EYS: variants seen among roughly 807,000 people sequenced by gnomAD.
EYS encodes protein eyes shut homolog.
In EYS, 250 loss-of-function variants were observed where a neutral mutation model predicts 282.1. That is an observed-to-expected ratio of 0.89 (90% CI 0.80 to 0.98). The LOEUF (loss-of-function observed/expected upper bound fraction) is 0.98, where lower values mean the gene tolerates loss of function less well. Among genes scored for constraint, EYS ranks in the 50% least tolerant of loss-of-function variants. The probability of loss-of-function intolerance (pLI) is 0.00; values close to 1 mark genes in which losing one functional copy is unlikely to be tolerated. For missense variants in EYS, 4,016 were observed against 3,709.0 expected (o/e 1.08, Z -2.15); for synonymous variants, 1,355 against 1,282.9 (o/e 1.06, Z -1.20).
chr6:64,702,744 C>G (rs532924774), intron 22 of EYS, among the ~76,000 whole-genome samples: 26 of 152,190 alleles, frequency 1.7e-4, no homozygotes, highest in Admixed American at 7.2e-4. Context: ...TTATGGAACA[C>G]TTAATGCTAT....
chr6:64,095,700 CTT>C (rs1323011557), intron 31 of EYS, among the ~76,000 whole-genome samples: 2 of 152,256 alleles, frequency 1.3e-5, no homozygotes, highest in East Asian at 1.9e-4. Context: ...GGTCTTGACT[CTT>C]TATCCAATTT....
intron 35 of EYS, among the ~76,000 whole-genome samples, chr6:63,872,598 C>T (rs925246398): frequency 3.3e-5 from 5 of 150,306 alleles, no homozygotes; most frequent in African/African-American, 9.8e-5. Context: ...CCTACTTCAG[C>T]CTCTCAAGTA....
chr6:64,426,941 A>G lies in EYS; in HGVS notation c.5927+9233T>C, dbSNP rs544886534. Reference sequence around the variant, plus strand: ...TTATATATGAGAACCATTTTGCATAATATTATTGCATTGTTTCAAATGATA... The same window carrying G: ...TTATATATGAGAACCATTTTGCATAGTATTATTGCATTGTTTCAAATGATA... On this transcript the variant is annotated intron_variant, in intron 28 of 42. Coordinates refer to ENST00000503581, the MANE Select transcript of EYS (RefSeq NM_001142800.2). Among the ~76,000 whole-genome samples the G allele has an allele frequency of 4.6e-5, 7 of 152,250 alleles. No individual in the cohort carries two copies. In the South Asian group the frequency reaches 1.0e-3, roughly 23 times the overall value.
intron 12 of EYS, among the ~76,000 whole-genome samples, chr6:65,267,355 A>C (rs1438660120): frequency 6.6e-6 from 1 of 151,958 alleles, no homozygotes; most frequent in Non-Finnish European, 1.5e-5. Context: ...TGAAAAAGAA[A>C]GGGTACTGTG....
Position 64,953,192 on chromosome 6 carries a change from T to A in EYS, c.2260-7278A>T, listed in dbSNP as rs567218628. On this transcript the variant is annotated intron_variant, in intron 14 of 42. Coordinates refer to ENST00000503581, the MANE Select transcript of EYS (RefSeq NM_001142800.2). ...GTTTTTATACATTAGAATTATTGTATTTTATTCAGTCTTAGCCACAATTTT... is the reference window on the plus strand; with the variant it reads ...GTTTTTATACATTAGAATTATTGTAATTTATTCAGTCTTAGCCACAATTTT... 3.5e-3 allele frequency among the ~76,000 whole-genome samples: 528 copies of A among 151,964 alleles called. 3 individuals are homozygous for A. Among genetic ancestry groups the A allele is most frequent in the Non-Finnish European group, 5.8e-3 (396 of 67,808 alleles).
At chr6:64,098,670 G>A (rs973316574) in intron 31 of EYS, among the ~76,000 whole-genome samples, 3 of 149,988 alleles carry the variant, frequency 2.0e-5, no homozygotes, top group Non-Finnish European at 3.0e-5. Context: ...GTGCCATCTC[G>A]GCTCACTGCA....
intron 35 of EYS, among the ~76,000 whole-genome samples, chr6:63,969,679 T>C (rs1311187466): frequency 2.6e-5 from 4 of 152,344 alleles, no homozygotes; most frequent in Non-Finnish European, 4.4e-5. Flanking sequence ...GGCCAATCCA[T>C]GTCTGTGGGG....
chr6:65,271,129 T>TAC, intron 12 of EYS, among the ~76,000 whole-genome samples: 1 of 14,910 alleles, frequency 6.7e-5, no homozygotes. Context: ...ATCAATAGAT[T>TAC]ATATATATAT....
At chr6:65,541,245 C>T (rs1768157752) in intron 2 of EYS, among the ~76,000 whole-genome samples, 1 of 151,986 alleles carries the variant, frequency 6.6e-6, no homozygotes, top group African/African-American at 2.4e-5. Context: ...AAATTGTATA[C>T]TGATTGTAAG....
intron 37 of EYS, among the ~76,000 whole-genome samples, chr6:63,799,378 A>G (rs1188441784): frequency 6.6e-6 from 1 of 152,102 alleles, no homozygotes; most frequent in African/African-American, 2.4e-5. Flanking sequence ...ATTTTAACTT[A>G]TATTTCAATG....
At chr6:64,299,196 G>A (rs751263708) in intron 30 of EYS, among the ~76,000 whole-genome samples, 2 of 152,194 alleles carry the variant, frequency 1.3e-5, no homozygotes, top group African/African-American at 2.4e-5. Flanking sequence ...TTACTCATGT[G>A]GTCCTAAGAC....
chr6:65,656,328 G>T (rs1370430477), intron 1 of EYS, among the ~76,000 whole-genome samples: 3 of 151,868 alleles, frequency 2.0e-5, no homozygotes, highest in Admixed American at 6.6e-5. Context: ...AGTGAGGAAG[G>T]CAGGCTGAAA....
intron 19 of EYS, among the ~76,000 whole-genome samples, chr6:64,835,606 C>T (rs1163387651): frequency 6.6e-6 from 1 of 151,564 alleles, no homozygotes; most frequent in Non-Finnish European, 1.5e-5. Flanking sequence ...GACTTAGGTA[C>T]CAGTTGTGTC....
At chr6:64,310,640 G>T (rs1769657186) in intron 29 of EYS, among the ~76,000 whole-genome samples, 1 of 152,194 alleles carries the variant, frequency 6.6e-6, no homozygotes, top group East Asian at 1.9e-4. Context: ...ATATGTACTA[G>T]GCTTAATACC....
intron 24 of EYS, among the ~76,000 whole-genome samples, chr6:64,603,001 C>T (rs1316645168): frequency 2.6e-5 from 4 of 151,858 alleles, no homozygotes; most frequent in African/African-American, 7.3e-5. Flanking sequence ...AGAATAGGTC[C>T]TATTGCCTCT....
At chr6:64,100,821 G>A (rs370957373) in intron 31 of EYS, among the ~76,000 whole-genome samples, 6 of 152,240 alleles carry the variant, frequency 3.9e-5, no homozygotes, top group East Asian at 3.9e-4. Context: ...TGTAGCTGAC[G>A]TGGCTGAGCA....
intron 22 of EYS, among the ~76,000 whole-genome samples, chr6:64,734,238 C>T (rs867211326): frequency 6.6e-6 from 1 of 151,818 alleles, no homozygotes; most frequent in Non-Finnish European, 1.5e-5. Context: ...AGGACTAAAG[C>T]GAATAAGCAC....
At chr6:63,723,002 G>A (rs114787406) in intron 42 of EYS, among the ~76,000 whole-genome samples, 1 of 152,272 alleles carries the variant, frequency 6.6e-6, no homozygotes, top group African/African-American at 2.4e-5. Context: ...TCTGTGTTTG[G>A]TTTGGTCCAA....
chr6:64,467,736 C>T (rs1366267890), intron 26 of EYS, among the ~76,000 whole-genome samples: 3 of 152,090 alleles, frequency 2.0e-5, no homozygotes, highest in Admixed American at 1.3e-4. Context: ...ACACTGCTAC[C>T]AGTATATGGA....
Sources: gnomAD v4.1 joint callset for allele counts (sites outside exome capture counted in the v4.1 genomes callset) on GRCh38, gnomAD v4.1.1 for gene constraint, MANE v1.5 for transcripts, NCBI Gene and HGNC (gene_info 2026-07-23, HGNC 2026-07-21) for gene names.